SETBP1: variants seen among roughly 807,000 people sequenced by gnomAD.
The protein encoded by SETBP1 is SET-binding protein.
Under a neutral mutation model 101.0 loss-of-function variants are expected in SETBP1, and 9 were observed. The observed-to-expected ratio is 0.09, with a 90% CI of 0.05 to 0.16. The LOEUF (loss-of-function observed/expected upper bound fraction) is 0.16. Ranked by LOEUF, SETBP1 falls within the 10% of genes least tolerant of loss-of-function variation. The probability of loss-of-function intolerance (pLI) is 1.00; values close to 1 mark genes in which losing one functional copy is unlikely to be tolerated. For synonymous variants in SETBP1, 818 were observed against 788.5 expected (o/e 1.04, Z -0.63); for missense variants, 1,858 against 2,033.8 (o/e 0.91, Z 1.66).
intron 2 of SETBP1, among the ~76,000 whole-genome samples, chr18:44,831,021 C>G (rs1343711261): frequency 6.6e-6 from 1 of 152,174 alleles, no homozygotes; most frequent in Non-Finnish European, 1.5e-5. Context: ...CAGTGACTTC[C>G]CAGAGTGCTG....
chr18:44,964,892 G>A (rs548781499), intron 4 of SETBP1, among the ~76,000 whole-genome samples: 10 of 152,226 alleles, frequency 6.6e-5, no homozygotes, highest in East Asian at 3.9e-4. Context: ...AGATTTGCTC[G>A]TGATAACCTT....
intron 2 of SETBP1, among the ~76,000 whole-genome samples, chr18:44,777,599 ATCACCACC>A (rs1163914045): frequency 2.0e-5 from 3 of 152,196 alleles, no homozygotes; most frequent in Non-Finnish European, 1.5e-5. Context: ...CAGAGCAGAC[ATCACCACC>A]CTTTCCCCAG....
chr18:44,852,748 G>A (rs2144594005), intron 2 of SETBP1, among the ~76,000 whole-genome samples: 1 of 152,206 alleles, frequency 6.6e-6, no homozygotes, highest in South Asian at 2.1e-4. Context: ...TGGTTCTTTG[G>A]GGACCAGCCC....
At chr18:45,000,919 G>C (rs2145331928) in intron 4 of SETBP1, among the ~76,000 whole-genome samples, 1 of 152,180 alleles carries the variant, frequency 6.6e-6, no homozygotes, top group South Asian at 2.1e-4. Context: ...AAGCAATAAA[G>C]ATGAGGACAG....
intron 3 of SETBP1, among the ~76,000 whole-genome samples, chr18:44,941,704 C>CA (rs1284247566): frequency 6.6e-6 from 1 of 150,388 alleles, no homozygotes; most frequent in Non-Finnish European, 1.5e-5. Flanking sequence ...GCTTTCTCTT[C>CA]ATGTTTACTC....
At chr18:45,061,226 C>T (rs2145585972) in intron 5 of SETBP1, among the ~76,000 whole-genome samples, 1 of 152,180 alleles carries the variant, frequency 6.6e-6, no homozygotes, top group East Asian at 1.9e-4. Context: ...TTTAAAAATC[C>T]AAACTAGAAC....
chr18:44,726,037 T>A (rs1204940823), intron 2 of SETBP1, among the ~76,000 whole-genome samples: 1 of 152,194 alleles, frequency 6.6e-6, no homozygotes. Context: ...AACTTTCATA[T>A]GACCTTGAGT....
At chr18:44,711,039 T>C (rs938214911) in intron 2 of SETBP1, among the ~76,000 whole-genome samples, 1 of 152,170 alleles carries the variant, frequency 6.6e-6, no homozygotes, top group East Asian at 1.9e-4. Flanking sequence ...GTATGAAGTC[T>C]GCCTGAGGCT....
intron 4 of SETBP1, among the ~76,000 whole-genome samples, chr18:44,981,663 T>C (rs895585277): frequency 1.3e-5 from 2 of 152,158 alleles, no homozygotes; most frequent in African/African-American, 4.8e-5. Context: ...CTTGCCCACA[T>C]TTACCTTTTA....
At chr18:44,884,276 T>C (rs1418120973) in intron 3 of SETBP1, among the ~76,000 whole-genome samples, 2 of 152,176 alleles carry the variant, frequency 1.3e-5, no homozygotes, top group Non-Finnish European at 2.9e-5. Flanking sequence ...GAGGGAACAA[T>C]ATTCACCTCA....
At chr18:44,728,748 A>G (rs1198607760) in intron 2 of SETBP1, among the ~76,000 whole-genome samples, 2 of 152,218 alleles carry the variant, frequency 1.3e-5, no homozygotes, top group Non-Finnish European at 2.9e-5. Flanking sequence ...GAACAAGAGG[A>G]GTCAGCTAGA....
intron 3 of SETBP1, among the ~76,000 whole-genome samples, chr18:44,919,444 G>T (rs1310108063): frequency 6.6e-6 from 1 of 150,672 alleles, no homozygotes; most frequent in Admixed American, 6.7e-5. Flanking sequence ...CCACTTCCCT[G>T]GTTCAAGTGA....
rs775447877 is a variant in SETBP1, at chr18:44,952,689, C to A, written c.3349C>A (p.Leu1117Met). The A allele has an allele frequency of 1.2e-6, 2 of 1,614,138 alleles. No individual in the cohort carries two copies. The highest frequency in any genetic ancestry group is 1.7e-6 in the Non-Finnish European group (2 of 1,180,032). ...GCATAAAGCCAAGCATGGAGTACAC[C>A]TGCAGGGACCTGTTAGCATGGGCCT... The part of the protein sequence containing the change: ...AKHKAKHGVH[L>M]QGPVSMGLGD... Residue 1117 changes from leucine (L) to methionine (M), a missense_variant, in exon 4 of 6, where the codon CTG becomes ATG. By Grantham distance (15) the Leu-to-Met change is conservative. Transcript: ENST00000649279.
chr18:44,893,762 G>A (rs572213850), intron 3 of SETBP1, among the ~76,000 whole-genome samples: 3 of 152,252 alleles, frequency 2.0e-5, no homozygotes, highest in African/African-American at 7.2e-5. Flanking sequence ...ATCATACAGA[G>A]TAAGTGCAAA....
chr18:44,805,557 C>T (rs971995413), intron 2 of SETBP1, among the ~76,000 whole-genome samples: 2 of 152,076 alleles, frequency 1.3e-5, no homozygotes, highest in African/African-American at 2.4e-5. Context: ...GTGTTTTTAC[C>T]CTGGACATCT....
intron 2 of SETBP1, among the ~76,000 whole-genome samples, chr18:44,709,363 A>C (rs895409071): frequency 6.6e-6 from 1 of 152,174 alleles, no homozygotes; most frequent in Admixed American, 6.6e-5. Context: ...TACAGGGTCT[A>C]TTAGAAAGAG....
intron 3 of SETBP1, among the ~76,000 whole-genome samples, chr18:44,909,720 A>G (rs1373833937): frequency 1.3e-5 from 2 of 152,224 alleles, no homozygotes; most frequent in Non-Finnish European, 2.9e-5. Flanking sequence ...CTGATTCTAC[A>G]GATGACAAAA....
intron 3 of SETBP1, among the ~76,000 whole-genome samples, chr18:44,883,668 C>T (rs536754765): frequency 2.0e-5 from 3 of 152,264 alleles, no homozygotes; most frequent in South Asian, 4.1e-4. Flanking sequence ...GTTTATGAAG[C>T]AATTTTAAGT....
At chr18:44,692,562 C>A (rs1344633076) in intron 1 of SETBP1, among the ~76,000 whole-genome samples, 1 of 152,128 alleles carries the variant, frequency 6.6e-6, no homozygotes, top group Non-Finnish European at 1.5e-5. Flanking sequence ...CCTCATGGAG[C>A]TTGTGGTCTA....
Sources: allele counts gnomAD v4.1 joint callset (sites outside exome capture counted in the v4.1 genomes callset), GRCh38; gene constraint gnomAD v4.1.1; transcripts MANE v1.5; gene names NCBI Gene and HGNC (gene_info 2026-07-23, HGNC 2026-07-21).